The following ATXN1 variants were observed in gnomAD, a reference collection of about 807,000 sequenced individuals.
ATXN1 encodes ataxin 1.
A neutral mutation model predicts 56.4 loss-of-function variants in ATXN1; 8 were observed. That is an observed-to-expected ratio of 0.14 (90% confidence interval 0.08 to 0.26). The LOEUF is 0.26. Ranked by LOEUF, ATXN1 falls within the 10% of genes least tolerant of loss-of-function variation. The probability of loss-of-function intolerance (pLI) is 1.00; values close to 1 mark genes in which losing one functional copy is unlikely to be tolerated. For missense variants in ATXN1, 987 were observed against 1,106.5 expected, an observed-to-expected ratio of 0.89 and a Z score of 1.53; for synonymous variants, 514 against 494.6, an observed-to-expected ratio of 1.04 and a Z score of -0.52.
intron 2 of ATXN1, among the ~76,000 whole-genome samples, chr6:16,669,877 T>C (rs1193341973): frequency 3.3e-5 from 5 of 152,078 alleles, no homozygotes; most frequent in African/African-American, 1.2e-4. Flanking sequence ...AGAATAACTC[T>C]TGTTGCCTAC....
At chr6:16,518,393 G>A (rs1027507553) in intron 5 of ATXN1, among the ~76,000 whole-genome samples, 1 of 152,196 alleles carries the variant, frequency 6.6e-6, no homozygotes, top group Non-Finnish European at 1.5e-5. Flanking sequence ...AGGGTTAGCA[G>A]GGATTTGGGC....
rs111750552 is a variant in ATXN1 at position 16,369,213 on chromosome 6, C to G, written c.-160-40743G>C. On this transcript the variant is annotated intron_variant, in intron 6 of 7. Coordinates refer to ENST00000436367, the MANE Select transcript of ATXN1 (RefSeq NM_001128164.2). ...CTACCTTGTCTTCTAAAACTCCTCT[C>G]TTGTTGCTTTCTAAATATCCAAATG... Among the ~76,000 whole-genome samples the G allele has an allele frequency of 9.0e-3, 1,369 of 152,304 alleles. 17 individuals are homozygous for G. Among genetic ancestry groups the G allele is most frequent in the Non-Finnish European group, 0.011 (761 of 68,018 alleles).
In ATXN1 at chr6:16,760,800, C is replaced by T. The variant is rs1447450950; in HGVS notation, c.-730+498G>A. On this transcript the variant is annotated intron_variant, in intron 1 of 7. Transcript: ENST00000436367. The surrounding 1 kb of genome is among the most constrained non-coding windows in gnomAD (Gnocchi z 5.3). Reference sequence around the variant, plus strand: ...GGGAAGAGGGCGGCCGGGAAAGGGACCACCCCCCAACCCCAGCCGCCGCCT... The same window carrying T: ...GGGAAGAGGGCGGCCGGGAAAGGGATCACCCCCCAACCCCAGCCGCCGCCT... 2.6e-5 allele frequency among the ~76,000 whole-genome samples: 4 copies of T among 151,220 alleles called. No homozygotes were observed. The highest frequency in any genetic ancestry group is 9.7e-5 in the African/African-American group (4 of 41,290).
intron 2 of ATXN1, among the ~76,000 whole-genome samples, chr6:16,712,952 C>T (rs1759558421): frequency 6.6e-6 from 1 of 152,174 alleles, no homozygotes. Context: ...CACTGAAGCC[C>T]AAGCTGGCCT....
chr6:16,597,579 C>T (rs1762838054), intron 3 of ATXN1, among the ~76,000 whole-genome samples: 1 of 152,076 alleles, frequency 6.6e-6, no homozygotes, highest in Non-Finnish European at 1.5e-5. Context: ...GCTGGGCTTC[C>T]AGGCACATGC....
intron 6 of ATXN1, among the ~76,000 whole-genome samples, chr6:16,381,233 G>A (rs1006260540): frequency 2.0e-5 from 3 of 152,068 alleles, no homozygotes; most frequent in Non-Finnish European, 1.5e-5. Context: ...GTTGCAGTAA[G>A]TGAGATCGCA....
At chr6:16,731,064 A>G (rs1156575824) in intron 2 of ATXN1, among the ~76,000 whole-genome samples, 1 of 152,214 alleles carries the variant, frequency 6.6e-6, no homozygotes, top group Non-Finnish European at 1.5e-5. Flanking sequence ...GGTTATTAAC[A>G]TATGCATGTA....
intron 3 of ATXN1, among the ~76,000 whole-genome samples, chr6:16,609,443 G>A (rs1005624438): frequency 6.6e-6 from 1 of 152,196 alleles, no homozygotes; most frequent in Non-Finnish European, 1.5e-5. Context: ...GAGAACCACT[G>A]TCTCTTGCAC....
Position 16,327,424 on chromosome 6 carries a change from G to A in ATXN1, c.887C>T (p.Ser296Phe). The A allele has an allele frequency of 6.2e-7, 1 of 1,613,764 alleles. No individual in the cohort carries two copies. Among genetic ancestry groups the A allele is most frequent in the Non-Finnish European group, 8.5e-7 (1 of 1,179,996 alleles). Residue 296 changes from serine (S) to phenylalanine (F), a missense_variant, in exon 7 of 8, where the codon TCC becomes TTC. By Grantham distance (155) the Ser-to-Phe change is radical. Coordinates refer to ENST00000436367, the MANE Select transcript of ATXN1 (RefSeq NM_001128164.2). Reference sequence around the variant, plus strand: ...CTCCCGAGGGACAAAGTGGCTGCCGGAGTCGGCGTATTGCATGACGACCTG... The same window carrying A: ...CTCCCGAGGGACAAAGTGGCTGCCGAAGTCGGCGTATTGCATGACGACCTG... ...PSQVVMQYAD[S>F]GSHFVPREAT...
chr6:16,693,214 T>C (rs952865873), intron 2 of ATXN1, among the ~76,000 whole-genome samples: 1 of 152,216 alleles, frequency 6.6e-6, no homozygotes, highest in African/African-American at 2.4e-5. Flanking sequence ...AAATGTTTAG[T>C]ATCCTTTGAA....
intron 2 of ATXN1, among the ~76,000 whole-genome samples, chr6:16,665,116 T>C (rs530996449): frequency 2.0e-5 from 3 of 152,306 alleles, no homozygotes; most frequent in Admixed American, 6.5e-5. Context: ...TTGAAGTATG[T>C]GGAGAAGATG....
intron 5 of ATXN1, among the ~76,000 whole-genome samples, chr6:16,512,112 C>A (rs2671402): frequency 0.37 from 55,887 of 151,888 alleles, 10,552 homozygotes; most frequent in East Asian, 0.49. Flanking sequence ...GGCCTCCCCG[C>A]CTCCATTCAG....
Position 16,761,341 on chromosome 6 carries a change from C to A in ATXN1, c.-773G>T, listed in dbSNP as rs1761095785. On this transcript the variant is annotated 5_prime_UTR_variant, in exon 1 of 8. Coordinates refer to ENST00000436367, the MANE Select transcript of ATXN1 (RefSeq NM_001128164.2). The stretch of plus-strand genomic sequence containing the variant: ...CTGGGGTTGCGTGGGGAAGGGGGGG[C>A]AGAGGGAGAGAAACAATGTCTTGCG... The A allele has an allele frequency of 4.4e-6, 2 of 455,680 alleles. No homozygotes were observed. Among genetic ancestry groups the A allele is most frequent in the South Asian group, 1.6e-5 (1 of 64,516 alleles). 28.2% of individuals were successfully genotyped at this position (455,680 alleles called of 1,614,324 possible).
intron 6 of ATXN1, among the ~76,000 whole-genome samples, chr6:16,443,284 A>T (rs2113601311): frequency 6.6e-6 from 1 of 151,970 alleles, no homozygotes; most frequent in Non-Finnish European, 1.5e-5. Context: ...ATATGCCTAA[A>T]AATGGTAAAA....
chr6:16,309,725 A>G (rs1340546815), intron 7 of ATXN1, among the ~76,000 whole-genome samples: 1 of 152,184 alleles, frequency 6.6e-6, no homozygotes, highest in Non-Finnish European at 1.5e-5. Flanking sequence ...TAAACAGGAA[A>G]AAATATCGTT....
chr6:16,360,611 C>T (rs1761788584), intron 6 of ATXN1, among the ~76,000 whole-genome samples: 2 of 152,172 alleles, frequency 1.3e-5, no homozygotes, highest in Admixed American at 6.5e-5. Flanking sequence ...AAACACTGTT[C>T]CTCTTGTTTG....
intron 6 of ATXN1, among the ~76,000 whole-genome samples, chr6:16,461,492 C>CCTTTTGG (rs1161929297): frequency 6.6e-6 from 1 of 152,122 alleles, no homozygotes; most frequent in African/African-American, 2.4e-5. Context: ...TCGTAAGGCC[C>CCTTTTGG]CTTTTGGGGA....
At chr6:16,640,299 A>C (rs1763684713) in intron 3 of ATXN1, among the ~76,000 whole-genome samples, 2 of 152,218 alleles carry the variant, frequency 1.3e-5, no homozygotes, top group South Asian at 4.1e-4. Flanking sequence ...TAATGAACTT[A>C]ATCAGTAAAT....
At chr6:16,353,681 GCAAAAAA>G (rs1311344822) in intron 6 of ATXN1, among the ~76,000 whole-genome samples, 2 of 151,842 alleles carry the variant, frequency 1.3e-5, no homozygotes, top group African/African-American at 4.8e-5. Flanking sequence ...CTCAAAAAAA[GCAAAAAA>G]CAAAAAACCA....
Sources: allele counts gnomAD v4.1 joint callset (sites outside exome capture counted in the v4.1 genomes callset), GRCh38; gene constraint gnomAD v4.1.1; non-coding constraint Gnocchi (gnomAD v3.1); transcripts MANE v1.5; gene names NCBI Gene and HGNC (gene_info 2026-07-23, HGNC 2026-07-21).